Variants in TAFA1 observed in about 807,000 individuals in gnomAD.
The protein encoded by TAFA1 is TAFA chemokine like family member 1, also known as chemokine-like protein TAFA-1.
Under a neutral mutation model 18.5 loss-of-function variants are expected in TAFA1, and 4 were observed. The ratio of observed to expected loss-of-function variants is 0.22; its 90% CI spans 0.11 to 0.49. The LOEUF is 0.49. Ranked by LOEUF, TAFA1 falls within the 20% of genes least tolerant of loss-of-function variation. The pLI is 0.98. For missense variants in TAFA1, 147 were observed against 169.0 expected (o/e 0.87, Z 0.72); for synonymous variants, 56 against 55.2 (o/e 1.01, Z -0.06).
At chr3:68,122,918 T>TAC (rs1370225821) in intron 2 of TAFA1, among the ~76,000 whole-genome samples, 3 of 151,584 alleles carry the variant, frequency 2.0e-5, no homozygotes, top group Non-Finnish European at 4.4e-5. Context: ...GTATATGTTT[T>TAC]ACACACACAC....
intron 2 of TAFA1, among the ~76,000 whole-genome samples, chr3:68,374,816 G>A (rs1311613061): frequency 6.6e-6 from 1 of 152,102 alleles, no homozygotes; most frequent in Non-Finnish European, 1.5e-5. Flanking sequence ...AAGAACTCCA[G>A]CTCAGCCTTT....
At chr3:67,999,276 C>A (rs112579215), upstream of TAFA1, among the ~76,000 whole-genome samples, 3 of 39,596 alleles carry the variant, frequency 7.6e-5, no homozygotes, top group Middle Eastern at 0.013. Context: ...ATCCCCCCCC[C>A]CCCCCTCTCT....
chr3:68,424,387 A>G (rs1262009443), intron 3 of TAFA1, among the ~76,000 whole-genome samples: 1 of 152,050 alleles, frequency 6.6e-6, no homozygotes, highest in Non-Finnish European at 1.5e-5. Flanking sequence ...GAACATTAAT[A>G]CATCTATCCA....
intron 2 of TAFA1, chr3:68,247,613 T>A (rs964669236): frequency 6.6e-6 from 1 of 152,198 alleles, no homozygotes; most frequent in Non-Finnish European, 1.5e-5. Flanking sequence ...CCCCCACCCG[T>A]GTCATTTTTA....
intron 2 of TAFA1, among the ~76,000 whole-genome samples, chr3:68,166,219 T>C (rs1039616546): frequency 6.6e-6 from 1 of 152,216 alleles, no homozygotes; most frequent in African/African-American, 2.4e-5. Context: ...TGCTATCCTA[T>C]GGACAATGGG....
chr3:68,100,520 C>T (rs1327499407), intron 2 of TAFA1, among the ~76,000 whole-genome samples: 1 of 152,148 alleles, frequency 6.6e-6, no homozygotes, highest in Non-Finnish European at 1.5e-5. Context: ...TTCTGAATCT[C>T]ATTTCCAAAT....
At chr3:68,538,427 G>A (rs1223555997) in intron 3 of TAFA1, among the ~76,000 whole-genome samples, 1 of 152,044 alleles carries the variant, frequency 6.6e-6, no homozygotes, top group African/African-American at 2.4e-5. Context: ...CTTAGCCTAT[G>A]CCCAGGAATG....
In TAFA1 at chr3:68,213,741, T is replaced by C. The variant is rs1413678601; in HGVS notation, c.119-203539T>C. 2.6e-5 allele frequency among the ~76,000 whole-genome samples: 4 copies of C among 152,078 alleles called. No homozygotes were observed. In the South Asian group the frequency reaches 8.3e-4, roughly 32 times the overall value. ...CATCTTTCTGCATAATGACCTCCAGTTTAGTAATTGCACTCACAGTAAATG... is the reference window on the plus strand; with the variant it reads ...CATCTTTCTGCATAATGACCTCCAGCTTAGTAATTGCACTCACAGTAAATG... On this transcript the variant is annotated intron_variant, in intron 2 of 4. Coordinates refer to ENST00000478136, the MANE Select transcript of TAFA1 (RefSeq NM_213609.4).
intron 2 of TAFA1, among the ~76,000 whole-genome samples, chr3:68,082,422 A>G (rs747270196): frequency 2.6e-5 from 4 of 152,226 alleles, no homozygotes; most frequent in Non-Finnish European, 5.9e-5. Flanking sequence ...AGGCACATCA[A>G]CATAGGGTTA....
intron 2 of TAFA1, among the ~76,000 whole-genome samples, chr3:68,331,891 T>A (rs1168778650): frequency 9.1e-6 from 1 of 109,712 alleles, no homozygotes; most frequent in East Asian, 3.4e-4. Context: ...TGAGACGGAG[T>A]CTCGCTCTTT....
At chr3:68,331,887 G>T (rs1485527521) in intron 2 of TAFA1, among the ~76,000 whole-genome samples, 1 of 94,502 alleles carries the variant, frequency 1.1e-5, no homozygotes, top group Non-Finnish European at 2.0e-5. Context: ...TTTTTGAGAC[G>T]GAGTCTCGCT....
intron 2 of TAFA1, among the ~76,000 whole-genome samples, chr3:68,030,412 C>G (rs1485388411): frequency 6.6e-6 from 1 of 152,122 alleles, no homozygotes; most frequent in Non-Finnish European, 1.5e-5. Context: ...TATCCTTCCC[C>G]TAACCCCCCA....
At chr3:68,082,177 C>T (rs143007820) in intron 2 of TAFA1, among the ~76,000 whole-genome samples, 91 of 143,558 alleles carry the variant, frequency 6.3e-4, no homozygotes, top group African/African-American at 2.1e-3. Flanking sequence ...TCGGCTCGCG[C>T]ATGGTGTGCG....
intron 2 of TAFA1, among the ~76,000 whole-genome samples, chr3:68,221,284 T>C (rs1385102144): frequency 1.3e-5 from 2 of 152,138 alleles, no homozygotes; most frequent in Non-Finnish European, 2.9e-5. Flanking sequence ...TTTGCTCTTC[T>C]TCCCTTCTCT....
chr3:68,316,407 C>G (rs1346572011), intron 2 of TAFA1, among the ~76,000 whole-genome samples: 1 of 152,136 alleles, frequency 6.6e-6, no homozygotes, highest in Non-Finnish European at 1.5e-5. Flanking sequence ...AATTCTTAAC[C>G]AATACAGTTT....
intron 2 of TAFA1, among the ~76,000 whole-genome samples, chr3:68,135,458 A>C (rs1414946800): frequency 1.3e-5 from 2 of 152,208 alleles, no homozygotes; most frequent in African/African-American, 2.4e-5. Flanking sequence ...ATGGAAAAAG[A>C]AGCACACACT....
chr3:68,415,444 T>A (rs2070812745), intron 2 of TAFA1, among the ~76,000 whole-genome samples: 1 of 152,018 alleles, frequency 6.6e-6, no homozygotes, highest in East Asian at 1.9e-4. Flanking sequence ...GACCTTTGAG[T>A]TGAGCTCTAA....
chr3:68,450,548 G>A (rs1158093028), intron 3 of TAFA1, among the ~76,000 whole-genome samples: 2 of 152,142 alleles, frequency 1.3e-5, no homozygotes, highest in African/African-American at 2.4e-5. Flanking sequence ...GTATTTTAAG[G>A]ATCAGATCCC....
chr3:68,156,689 A>C (rs17230558), intron 2 of TAFA1, among the ~76,000 whole-genome samples: 29,190 of 152,106 alleles, frequency 0.19, 3,218 homozygotes, highest in Middle Eastern at 0.28. Context: ...AACAATGAAT[A>C]TAACTTCAAA....
Sources: gnomAD v4.1 joint callset for allele counts (sites outside exome capture counted in the v4.1 genomes callset) on GRCh38, gnomAD v4.1.1 for gene constraint, MANE v1.5 for transcripts, NCBI Gene and HGNC (gene_info 2026-07-23, HGNC 2026-07-21) for gene names.